Variants in FSTL5 observed in about 807,000 individuals in gnomAD.
FSTL5 encodes the protein follistatin-related protein 5.
In FSTL5, 62 loss-of-function variants were observed where a neutral mutation model predicts 89.1. The observed-to-expected ratio is 0.70, with a 90% CI of 0.57 to 0.86. The LOEUF is 0.86. Ranked by LOEUF, FSTL5 falls within the 40% of genes least tolerant of loss-of-function variation. FSTL5 has a pLI of 0.00. For synonymous variants in FSTL5, 383 were observed against 346.2 expected, an observed-to-expected ratio of 1.11 and a Z score of -1.18; for missense variants, 1,057 against 1,001.6, an observed-to-expected ratio of 1.06 and a Z score of -0.75.
intron 6 of FSTL5, among the ~76,000 whole-genome samples, chr4:161,740,117 T>A (rs1049248552): frequency 6.6e-6 from 1 of 152,006 alleles, no homozygotes; most frequent in Non-Finnish European, 1.5e-5. Context: ...CCTCCCGGGT[T>A]CAAGCGATTT....
At chr4:161,877,382 A>C (rs937117134) in intron 4 of FSTL5, among the ~76,000 whole-genome samples, 5 of 147,894 alleles carry the variant, frequency 3.4e-5, no homozygotes, top group Non-Finnish European at 7.4e-5. Context: ...ATTTATATTA[A>C]AAATTACTAT....
intron 2 of FSTL5, among the ~76,000 whole-genome samples, chr4:162,074,786 A>G (rs1466538200): frequency 6.6e-6 from 1 of 151,748 alleles, no homozygotes; most frequent in Non-Finnish European, 1.5e-5. Flanking sequence ...GAGGTTATAT[A>G]CTGATAAATA....
intron 13 of FSTL5, among the ~76,000 whole-genome samples, chr4:161,465,227 T>C (rs1365589525): frequency 4.6e-5 from 7 of 152,098 alleles, no homozygotes; most frequent in Non-Finnish European, 7.4e-5. Flanking sequence ...TGTCATAGGA[T>C]TCTCTTCCTG....
chr4:161,929,411 GTCT>G (rs1202874391), intron 3 of FSTL5, among the ~76,000 whole-genome samples: 1 of 151,454 alleles, frequency 6.6e-6, no homozygotes, highest in East Asian at 1.9e-4. Flanking sequence ...CAATATGCCT[GTCT>G]TCTTCTCCTT....
chr4:161,914,652 G>A lies in FSTL5; in HGVS notation c.409+5752C>T, dbSNP rs77862182. Reference sequence around the variant, plus strand: ...TCTTTAAATATAATTATCTAAAATTGGAAAATTGATCACCACCAATTAGCC... The same window carrying A: ...TCTTTAAATATAATTATCTAAAATTAGAAAATTGATCACCACCAATTAGCC... On this transcript the variant is annotated intron_variant, in intron 4 of 15. Coordinates refer to ENST00000306100, the MANE Select transcript of FSTL5 (RefSeq NM_020116.5). 5.9e-3 allele frequency among the ~76,000 whole-genome samples: 899 copies of A among 151,918 alleles called. 69 individuals are homozygous for A. In the East Asian group the frequency reaches 0.14, roughly 24 times the overall value.
chr4:161,415,725 G>GAT (rs1334801199), intron 15 of FSTL5, among the ~76,000 whole-genome samples: 3 of 145,552 alleles, frequency 2.1e-5, no homozygotes, highest in East Asian at 2.0e-4. Context: ...ATATATGGGA[G>GAT]ATATATATAT....
chr4:161,998,677 A>G (rs976661600), intron 3 of FSTL5, among the ~76,000 whole-genome samples: 1 of 152,222 alleles, frequency 6.6e-6, no homozygotes, highest in Non-Finnish European at 1.5e-5. Context: ...CTGAAAGAGA[A>G]TTTGACTGAA....
chr4:162,083,425 G>C (rs1009062219), intron 2 of FSTL5, among the ~76,000 whole-genome samples: 1 of 151,354 alleles, frequency 6.6e-6, no homozygotes, highest in African/African-American at 2.4e-5. Flanking sequence ...TCAACTTTAG[G>C]GTGTAAAATA....
At chr4:161,541,058 A>T (rs1483918127) in intron 9 of FSTL5, among the ~76,000 whole-genome samples, 1 of 152,100 alleles carries the variant, frequency 6.6e-6, no homozygotes, top group Non-Finnish European at 1.5e-5. Flanking sequence ...ATTGCCACAG[A>T]TACTAAATTA....
rs1352147246 is a variant in FSTL5, at chr4:161,614,223, T to A, written c.895-26648A>T. Among the ~76,000 whole-genome samples the A allele has an allele frequency of 2.6e-5, 4 of 152,160 alleles. No homozygotes were observed. The East Asian group carries it at 7.7e-4, about 29-fold the overall frequency. On this transcript the variant is annotated intron_variant, in intron 7 of 15. Coordinates refer to ENST00000306100, the MANE Select transcript of FSTL5 (RefSeq NM_020116.5). ...CAAACTGATATAATTGGTATGAATG[T>A]TAAAGCTTAGGTTTCTGTATGAATT...
intron 4 of FSTL5, among the ~76,000 whole-genome samples, chr4:161,886,423 C>T (rs1167934923): frequency 1.3e-5 from 2 of 152,164 alleles, no homozygotes; most frequent in African/African-American, 2.4e-5. Flanking sequence ...CAGTGAACTA[C>T]TGTAATTTTC....
chr4:161,669,121 A>AT (rs1406887427), intron 6 of FSTL5, among the ~76,000 whole-genome samples: 5 of 149,492 alleles, frequency 3.3e-5, no homozygotes, highest in East Asian at 2.0e-4. Context: ...CAAAAAAAAA[A>AT]AAAAAATAAA....
chr4:161,758,674 C>A (rs1359450906), intron 6 of FSTL5, among the ~76,000 whole-genome samples: 1 of 152,070 alleles, frequency 6.6e-6, no homozygotes, highest in African/African-American at 2.4e-5. Flanking sequence ...CGCAGCACCA[C>A]ACCCAGCTAA....
intron 13 of FSTL5, among the ~76,000 whole-genome samples, chr4:161,464,479 C>T (rs1733682416): frequency 1.3e-5 from 2 of 152,172 alleles, no homozygotes; most frequent in African/African-American, 4.8e-5. Flanking sequence ...CCCAAGCCCT[C>T]CTGTCCTTGC....
At chr4:161,400,796 T>C (rs1356523702) in intron 15 of FSTL5, among the ~76,000 whole-genome samples, 1 of 152,262 alleles carries the variant, frequency 6.6e-6, no homozygotes, top group African/African-American at 2.4e-5. Context: ...AATAGCAGTG[T>C]ACATGAGAAA....
intron 8 of FSTL5, among the ~76,000 whole-genome samples, chr4:161,579,097 T>C (rs1239507625): frequency 6.6e-6 from 1 of 152,136 alleles, no homozygotes. Context: ...CTGAAAGATA[T>C]GTAACTTTTA....
At chr4:161,928,235 C>CT (rs1178668011) in intron 3 of FSTL5, among the ~76,000 whole-genome samples, 1 of 151,730 alleles carries the variant, frequency 6.6e-6, no homozygotes, top group Admixed American at 6.6e-5. Flanking sequence ...GTTTGGCTTC[C>CT]TAGCTCATTT....
intron 4 of FSTL5, among the ~76,000 whole-genome samples, chr4:161,807,171 C>A (rs77896920): frequency 5.4e-5 from 8 of 146,876 alleles, no homozygotes; most frequent in Non-Finnish European, 1.0e-4. Context: ...CCATCTACTA[C>A]GACTATTTGA....
chr4:162,123,506 C>A, intron 1 of FSTL5, among the ~76,000 whole-genome samples: 1 of 152,234 alleles, frequency 6.6e-6, no homozygotes, highest in Admixed American at 6.5e-5. Flanking sequence ...TTCTCAGAAT[C>A]AAAGTCTCCA....
Sources: allele counts gnomAD v4.1 joint callset (sites outside exome capture counted in the v4.1 genomes callset), GRCh38; gene constraint gnomAD v4.1.1; transcripts MANE v1.5; gene names NCBI Gene and HGNC (gene_info 2026-07-23, HGNC 2026-07-21).